The following MMRN1 variants were observed in gnomAD, a reference collection of about 807,000 sequenced individuals.
MMRN1 encodes multimerin 1.
Under a neutral mutation model 100.7 loss-of-function variants are expected in MMRN1, and 94 were observed. The ratio of observed to expected loss-of-function variants is 0.93; its 90% CI spans 0.79 to 1.11. MMRN1 has a LOEUF of 1.11. Among genes scored for constraint, MMRN1 ranks in the 50% least tolerant of loss-of-function variants. The pLI, the probability that MMRN1 is intolerant of heterozygous loss-of-function variation, is 0.00. For missense variants in MMRN1, 1,606 were observed against 1,439.1 expected (o/e 1.12, Z -1.88); for synonymous variants, 575 against 505.0 (o/e 1.14, Z -1.86).
chr4:89,904,228 TTGTG>T (rs1721485474), intron 1 of MMRN1, among the ~76,000 whole-genome samples: 1 of 151,834 alleles, frequency 6.6e-6, no homozygotes, highest in African/African-American at 2.4e-5. Flanking sequence ...ATTTTTCACT[TTGTG>T]TGGCATTTTT....
At chr4:89,882,682 G>T (rs973270159) in intron 1 of MMRN1, among the ~76,000 whole-genome samples, 8 of 151,896 alleles carry the variant, frequency 5.3e-5, no homozygotes, top group Non-Finnish European at 1.2e-4. Context: ...ATTTAAGAAA[G>T]ATGAATACAA....
chr4:89,882,990 C>A (rs913787281), intron 1 of MMRN1, among the ~76,000 whole-genome samples: 4 of 152,002 alleles, frequency 2.6e-5, no homozygotes, highest in African/African-American at 4.8e-5. Context: ...TGCTCTTGAA[C>A]TTCATATAAA....
intron 3 of MMRN1, 111 bp downstream of exon 3, chr4:89,912,161 C>T (rs1721774955): frequency 4.8e-6 from 3 of 628,442 alleles, no homozygotes; most frequent in East Asian, 6.6e-5. Context: ...TGTAGCCAAA[C>T]TCCTAGGACT....
upstream of MMRN1, among the ~76,000 whole-genome samples, chr4:89,891,072 T>C (rs541443294): frequency 2.0e-5 from 3 of 152,182 alleles, no homozygotes; most frequent in South Asian, 6.2e-4. Flanking sequence ...CAGTCTTTGG[T>C]TTATTATTCT....
At chr4:89,916,770 T>A (rs964647493) in intron 3 of MMRN1, among the ~76,000 whole-genome samples, 2 of 151,768 alleles carry the variant, frequency 1.3e-5, no homozygotes, top group Non-Finnish European at 2.9e-5. Context: ...TTGGTTACTA[T>A]TTTCAATCTA....
At position 89,919,874 on chromosome 4, in the gene MMRN1, T is replaced by C. The variant is rs999588864; in HGVS notation, c.851-3294T>C. 2.0e-5 allele frequency among the ~76,000 whole-genome samples: 3 copies of C among 152,224 alleles called. No homozygotes were observed. In the East Asian group the frequency reaches 5.8e-4, roughly 29 times the overall value. ...ATTTAGAACAATTAGCACATGCTAA[T>C]AAGTAAAATAAATTGAGCATCAAAC... On this transcript the variant is annotated intron_variant, in intron 3 of 7. Coordinates refer to ENST00000264790, the MANE Select transcript of MMRN1 (RefSeq NM_007351.3).
chr4:89,951,632 C>T lies in MMRN1; in HGVS notation c.3146C>T (p.Pro1049Leu), dbSNP rs1236756752. 4 of 1,537,018 alleles carry T rather than the reference C, an allele frequency of 2.6e-6. No homozygotes were observed. The highest frequency in any genetic ancestry group is 2.9e-5 in the African/African-American group (2 of 69,930). Residue 1049 changes from proline (P) to leucine (L), a missense_variant, in exon 7 of 8, where the codon CCG becomes CTG. Pro to Leu is a moderately conservative substitution (Grantham distance 98). Transcript: ENST00000264790. Reference sequence around the variant, plus strand: ...GAGTATTCAAGCTGTAGTCGGCATCCGTGCCAAAATGGGGGCACGTGCATA... The same window carrying T: ...GAGTATTCAAGCTGTAGTCGGCATCTGTGCCAAAATGGGGGCACGTGCATA... ...PEEYSSCSRH[P>L]CQNGGTCING...
rs112041349 is a variant in MMRN1, at chr4:89,915,951, C to G, written c.850+3901C>G. On this transcript the variant is annotated intron_variant, in intron 3 of 7. Transcript: ENST00000264790. ...AGTGAAAGACAGATTGCTTGGAAAA[C>G]CTAGAATCTGTGGCAGTCCTTGTGA... is the stretch of plus-strand genomic sequence containing the variant. Among the ~76,000 whole-genome samples the G allele has an allele frequency of 6.0e-3, 906 of 151,728 alleles. 7 individuals carry two copies. The highest frequency in any genetic ancestry group is 0.021 in the African/African-American group (865 of 41,486).
intron 4 of MMRN1, among the ~76,000 whole-genome samples, chr4:89,925,437 T>C (rs1722219821): frequency 6.8e-6 from 1 of 146,912 alleles, no homozygotes; most frequent in African/African-American, 2.5e-5. Context: ...CGTGAGCCAC[T>C]GTGACTTAGT....
intron 3 of MMRN1, among the ~76,000 whole-genome samples, chr4:89,919,672 A>T (rs1722028439): frequency 6.6e-6 from 1 of 152,036 alleles, no homozygotes; most frequent in Non-Finnish European, 1.5e-5. Flanking sequence ...CTAATTTAGG[A>T]CTAGGTTCCT....
At chr4:89,921,330 T>C (rs1056741387) in intron 3 of MMRN1, among the ~76,000 whole-genome samples, 1 of 152,080 alleles carries the variant, frequency 6.6e-6, no homozygotes, top group African/African-American at 2.4e-5. Context: ...AAGTTCTACC[T>C]CCAAAAGTTT....
intron 6 of MMRN1, among the ~76,000 whole-genome samples, chr4:89,941,261 G>C (rs1236781536): frequency 6.6e-6 from 1 of 152,158 alleles, no homozygotes; most frequent in Non-Finnish European, 1.5e-5. Context: ...TTCAATAGAA[G>C]TGCTCACAGG....
At chr4:89,951,822 A>T in intron 7 of MMRN1, 71 bp downstream of exon 7, 2 of 1,521,042 alleles carry the variant, frequency 1.3e-6, no homozygotes, top group Non-Finnish European at 1.8e-6. Flanking sequence ...GAAAATATTT[A>T]TTAATGAATA....
intron 3 of MMRN1, among the ~76,000 whole-genome samples, chr4:89,917,875 C>T (rs537984778): frequency 6.6e-6 from 1 of 151,850 alleles, no homozygotes; most frequent in African/African-American, 2.4e-5. Flanking sequence ...TTTTTATCAG[C>T]ACTTAAATAC....
At chr4:89,917,586 T>C (rs531883366) in intron 3 of MMRN1, among the ~76,000 whole-genome samples, 1 of 152,080 alleles carries the variant, frequency 6.6e-6, no homozygotes, top group African/African-American at 2.4e-5. Flanking sequence ...ATCACTCATA[T>C]CATTCTAATA....
Position 89,895,549 on chromosome 4 carries a change from A to G in MMRN1, c.578A>G (p.Gln193Arg), listed in dbSNP as rs769636108. Residue 193 changes from glutamine (Q) to arginine (R), a missense_variant, in exon 1 of 8, where the codon CAA becomes CGA. Coordinates refer to ENST00000264790, the MANE Select transcript of MMRN1 (RefSeq NM_007351.3). ...AGCCGGGGTGACAGCAGTTCCAGCC[A>G]AAGAACTGACTACCAAAAATCAAAT... ...YLSRGDSSSS[Q>R]RTDYQKSNFE... 24 of 1,613,756 alleles carry G rather than the reference A, an allele frequency of 1.5e-5. No homozygotes were observed. The South Asian group carries it at 2.4e-4, about 16-fold the overall frequency.
In MMRN1 at chr4:89,904,930, T is replaced by C. The variant is rs559176246; in HGVS notation, c.624-4346T>C. On this transcript the variant is annotated intron_variant, in intron 1 of 7. Coordinates refer to ENST00000264790, the MANE Select transcript of MMRN1 (RefSeq NM_007351.3). ...GATTATTGACACCAATAAAAATAGG[T>C]TTGTTAAGATATAGTTACCTTTAAA... 4.6e-5 allele frequency among the ~76,000 whole-genome samples: 7 copies of C among 151,746 alleles called. No individual in the cohort carries two copies. The Admixed American group carries it at 4.6e-4, about 10-fold the overall frequency.
intron 6 of MMRN1, among the ~76,000 whole-genome samples, chr4:89,947,804 T>G (rs1415939786): frequency 1.3e-5 from 2 of 152,128 alleles, no homozygotes; most frequent in Non-Finnish European, 2.9e-5. Context: ...TTTAAGCGTT[T>G]TAATAATAAA....
intron 1 of MMRN1, among the ~76,000 whole-genome samples, chr4:89,887,884 T>TA (rs994147791): frequency 7.9e-5 from 12 of 151,422 alleles, no homozygotes; most frequent in Admixed American, 2.6e-4. Flanking sequence ...ACAGTCAAAT[T>TA]AAAAAAAAAT....
Sources: gnomAD v4.1 joint callset for allele counts (sites outside exome capture counted in the v4.1 genomes callset) on GRCh38, gnomAD v4.1.1 for gene constraint, MANE v1.5 for transcripts, NCBI Gene and HGNC (gene_info 2026-07-23, HGNC 2026-07-21) for gene names.